Variants in IFT172 observed in about 807,000 individuals in gnomAD.
The protein encoded by IFT172 is intraflagellar transport protein 172 homolog.
Under a neutral mutation model 248.9 loss-of-function variants are expected in IFT172, and 164 were observed. The observed-to-expected ratio is 0.66, with a 90% CI of 0.58 to 0.75. The LOEUF (loss-of-function observed/expected upper bound fraction) is 0.75, where lower values mean the gene tolerates loss of function less well. Among genes scored for constraint, IFT172 ranks in the 30% least tolerant of loss-of-function variants. The pLI, the probability that IFT172 is intolerant of heterozygous loss-of-function variation, is 0.00. For missense variants in IFT172, 1,950 were observed against 2,192.4 expected (o/e 0.89, Z 2.21); for synonymous variants, 729 against 791.6 (o/e 0.92, Z 1.33).
chr2:27,485,260 T>G, intron 2 of IFT172, 100 bp downstream of exon 2: 1 of 1,558,808 alleles, frequency 6.4e-7, no homozygotes, highest in South Asian at 1.2e-5. Context: ...AGGTGGGGTA[T>G]GCCATTTCCT....
At position 27,459,762 on chromosome 2, in the gene IFT172, G is replaced by T; in HGVS notation, c.2589C>A (p.His863Gln). The T allele has an allele frequency of 6.2e-7, 1 of 1,613,032 alleles. No individual in the cohort carries two copies. The highest frequency in any genetic ancestry group is 1.7e-5 in the Admixed American group (1 of 60,016). Residue 863 changes from histidine to glutamine, a missense_variant, in exon 24 of 48, where the codon CAC (histidine) becomes CAA (glutamine). His to Gln is a conservative substitution (Grantham distance 24, BLOSUM62 0). Coordinates refer to ENST00000260570, the MANE Select transcript of IFT172 (RefSeq NM_015662.3). ...VVKLEEAWGD[H>Q]LVQQKQLDAA... ...CATCAAGCTGCTTCTGCTGCACCAGGTGGTCCCCCCATGCCTCCTCTAGTT... is the reference window on the plus strand; with the variant it reads ...CATCAAGCTGCTTCTGCTGCACCAGTTGGTCCCCCCATGCCTCCTCTAGTT...
intron 36 of IFT172, 47 bp downstream of exon 36, chr2:27,449,951 C>G (rs1224132259): frequency 6.5e-7 from 1 of 1,533,322 alleles, no homozygotes; most frequent in Non-Finnish European, 9.0e-7. Context: ...ACCCTTGCAC[C>G]CATCTCTGTG....
At chr2:27,476,854 C>T (rs1412400094) in intron 13 of IFT172, 128 bp from the exon 14 acceptor site, 14 of 642,458 alleles carry the variant, frequency 2.2e-5, no homozygotes, top group Non-Finnish European at 3.3e-5. Context: ...CAGGGTCTCA[C>T]TCTGGTTGCC....
Position 27,445,015 on chromosome 2 carries a change from T to G in IFT172, c.5159A>C (p.Lys1720Thr), listed in dbSNP as rs755256585. The G allele has an allele frequency of 1.9e-6, 3 of 1,613,762 alleles. No homozygotes were observed. The highest frequency in any genetic ancestry group is 2.2e-5 in the South Asian group (2 of 91,064). Reference sequence around the variant, plus strand: ...ATTCTCCAAGTCCTCCTCTCTAACCTTGATGGCCATAAGGAATTTATTCCA... The same window carrying G: ...ATTCTCCAAGTCCTCCTCTCTAACCGTGATGGCCATAAGGAATTTATTCCA... The part of the protein sequence containing the change: ...DNWNKFLMAI[K>T]TSHSPVCQDV... Residue 1720 changes from lysine to threonine, a missense_variant and splice_region_variant, in exon 47 of 48, where the codon AAG becomes ACG. Lys to Thr is a moderately conservative substitution (Grantham distance 78). This residue lies in a region of IFT172 where 620 missense variants were observed against 699.0 expected (regional missense o/e 0.89). Transcript: ENST00000260570. The surrounding 1 kb of genome is among the most constrained non-coding windows in gnomAD (Gnocchi z 4.4).
At position 27,461,779 on chromosome 2, in the gene IFT172, T is replaced by G. The variant is rs1362931814; in HGVS notation, c.2173A>C (p.Ile725Leu). The change falls in exon 21 of 48, where the codon ATC becomes CTC. Residue 725 changes from isoleucine to leucine, a missense_variant. Ile to Leu is a conservative substitution (Grantham distance 5). Around this residue, in one of 3 missense-constraint regions of IFT172, gnomAD observed 1,166 missense variants for 1,254.1 expected, o/e 0.93. Coordinates refer to ENST00000260570, the MANE Select transcript of IFT172 (RefSeq NM_015662.3). The part of the protein sequence containing the change: ...YQELHRWDEC[I>L]AVAEAKGHPA... ...GGTACCTTGGCTTCAGCCACAGCGATACACTCATCCCAACGGTGTAGCTCC... is the reference window on the plus strand; with the variant it reads ...GGTACCTTGGCTTCAGCCACAGCGAGACACTCATCCCAACGGTGTAGCTCC... The G allele has an allele frequency of 6.2e-7, 1 of 1,614,180 alleles. No individual in the cohort carries two copies. The highest frequency in any genetic ancestry group is 2.2e-5 in the East Asian group (1 of 44,876).
intron 2 of IFT172, 77 bp downstream of exon 2, chr2:27,485,283 A>C: frequency 6.3e-7 from 1 of 1,599,214 alleles, no homozygotes; most frequent in African/African-American, 1.3e-5. Flanking sequence ...GCTGATGGCT[A>C]GAAGGCAGAC....
chr2:27,460,325 TC>T (rs1255831369), intron 23 of IFT172, among the ~76,000 whole-genome samples: 1 of 112,376 alleles, frequency 8.9e-6, no homozygotes, highest in East Asian at 2.4e-4. Flanking sequence ...CCAAGGTTTC[TC>T]CCCATGTGAT....
intron 17 of IFT172, 80 bp downstream of exon 17, chr2:27,465,666 G>C: frequency 6.3e-7 from 1 of 1,592,800 alleles, no homozygotes; most frequent in Non-Finnish European, 8.6e-7. Flanking sequence ...GTGCTGGCCA[G>C]TTTTACACCC....
intron 4 of IFT172, 95 bp from the exon 5 acceptor site, chr2:27,484,032 A>G: frequency 1.5e-6 from 2 of 1,295,532 alleles, no homozygotes; most frequent in Non-Finnish European, 1.1e-6. Flanking sequence ...CACCACCTCA[A>G]TCTCCTATAG....
chr2:27,474,400 T>G (rs1667813647), intron 14 of IFT172, among the ~76,000 whole-genome samples: 1 of 151,978 alleles, frequency 6.6e-6, no homozygotes, highest in African/African-American at 2.4e-5. Context: ...TGGTTAAACA[T>G]ATGGAAAAAA....
At chr2:27,449,939 T>A in intron 36 of IFT172, 59 bp downstream of exon 36, 1 of 1,488,536 alleles carries the variant, frequency 6.7e-7, no homozygotes, top group Non-Finnish European at 9.3e-7. Flanking sequence ...GGTGTAGATG[T>A]CACCCTTGCA....
intron 47 of IFT172, among the ~76,000 whole-genome samples, 179 bp downstream of exon 47, chr2:27,444,835 A>G (rs1558347480): frequency 6.6e-6 from 1 of 152,120 alleles, no homozygotes; most frequent in East Asian, 1.9e-4. Flanking sequence ...TTTAGTAGAG[A>G]CGAGGTTTTA....
chr2:27,466,084 T>A, intron 16 of IFT172: 1 of 605,872 alleles, frequency 1.7e-6, no homozygotes, highest in South Asian at 2.0e-5. Flanking sequence ...TATACTCCTA[T>A]GACAGCACCA....
intron 29 of IFT172, among the ~76,000 whole-genome samples, chr2:27,457,157 C>A (rs1666228339): frequency 6.6e-6 from 1 of 152,184 alleles, no homozygotes; most frequent in African/African-American, 2.4e-5. Flanking sequence ...TCCACAGACC[C>A]TTAAAATTAT....
chr2:27,448,944 C>T lies in IFT172; in HGVS notation c.4399G>A (p.Val1467Ile). Residue 1467 changes from valine to isoleucine, a missense_variant, in exon 40 of 48, where the codon GTA becomes ATA. Transcript: ENST00000260570. ...GSSAQALALY[V>I]QHGAPANPQN... is the part of the protein sequence containing the mutation. ...GGGTTAGCAGGGGCTCCGTGCTGTA[C>T]ATACAGGGCCAATGCCTGGGCAGAG... 5.6e-6 allele frequency: 9 copies of T among 1,601,462 alleles called. No individual in the cohort carries two copies. The highest frequency in any genetic ancestry group is 7.7e-6 in the Non-Finnish European group (9 of 1,168,396).
chr2:27,445,488 G>A lies in IFT172; in HGVS notation c.4915-39C>T. The A allele has an allele frequency of 1.3e-6, 2 of 1,590,624 alleles. No individual in the cohort carries two copies. Among genetic ancestry groups the A allele is most frequent in the Non-Finnish European group, 1.7e-6 (2 of 1,166,828 alleles). ...GAAGGGAGTGGTAGCTTCACACAGG[G>A]CAGGGCAGGACAAGTTGGGGTGGAT... On this transcript the variant is annotated intron_variant, in intron 45 of 47. Coordinates refer to ENST00000260570, the MANE Select transcript of IFT172 (RefSeq NM_015662.3). The surrounding 1 kb of genome is among the most constrained non-coding windows in gnomAD (Gnocchi z 4.4).
rs749834823 is a variant in IFT172, at chr2:27,448,926, C to T, written c.4417G>A (p.Ala1473Thr). 3 of 1,564,610 alleles carry T rather than the reference C, an allele frequency of 1.9e-6. No individual in the cohort carries two copies. Among genetic ancestry groups the T allele is most frequent in the Non-Finnish European group, 2.6e-6 (3 of 1,134,718 alleles). ...LALYVQHGAP[A>T]NPQNFNIYKR... ...GAGAAGGCTGGTACCTGTGGGTTAG[C>T]AGGGGCTCCGTGCTGTACATACAGG... The change falls in exon 40 of 48, where the codon GCT becomes ACT. Residue 1473 changes from alanine to threonine, a missense_variant. Physicochemically the swap from Ala to Thr is moderately conservative, Grantham distance 58. Coordinates refer to ENST00000260570, the MANE Select transcript of IFT172 (RefSeq NM_015662.3).
intron 9 of IFT172, 23 bp downstream of exon 9, chr2:27,480,003 G>C: frequency 6.2e-7 from 1 of 1,605,516 alleles, no homozygotes; most frequent in Non-Finnish European, 8.5e-7. Context: ...CACCAATCCA[G>C]AAAGGGATTA....
chr2:27,453,152 C>T (rs966916215), intron 35 of IFT172: 1 of 673,224 alleles, frequency 1.5e-6, no homozygotes, highest in Admixed American at 2.1e-5. Context: ...GTAATTGAGC[C>T]ATTTATTGGT....
Sources: allele counts gnomAD v4.1 joint callset (sites outside exome capture counted in the v4.1 genomes callset), GRCh38; gene constraint gnomAD v4.1.1; regional missense constraint gnomAD v4.1.1; non-coding constraint Gnocchi (gnomAD v3.1); transcripts MANE v1.5; gene names NCBI Gene and HGNC (gene_info 2026-07-23, HGNC 2026-07-21).